The following ELOVL7 variants were observed in gnomAD, a reference collection of about 807,000 sequenced individuals.
ELOVL7 encodes very long chain fatty acid elongase 7.
A neutral mutation model predicts 35.7 loss-of-function variants in ELOVL7; 27 were observed. That is an observed-to-expected ratio of 0.76 (90% confidence interval 0.56 to 1.04). The LOEUF (loss-of-function observed/expected upper bound fraction) is 1.04. ELOVL7 is among the 50% of genes least tolerant of loss of function. The probability of loss-of-function intolerance (pLI) is 0.00; values close to 1 mark genes in which losing one functional copy is unlikely to be tolerated. For synonymous variants in ELOVL7, 113 were observed against 114.6 expected (o/e 0.99, Z 0.09); for missense variants, 327 against 340.8 (o/e 0.96, Z 0.32).
At chr5:60,770,055 A>G (rs1266349836) in intron 4 of ELOVL7, among the ~76,000 whole-genome samples, 1 of 84,984 alleles carries the variant, frequency 1.2e-5, no homozygotes, top group African/African-American at 1.7e-4. Flanking sequence ...TTTCTGGTGA[A>G]AAAAAAAAAA....
intron 6 of ELOVL7, among the ~76,000 whole-genome samples, chr5:60,764,596 G>C (rs1742124634): frequency 6.6e-6 from 1 of 151,932 alleles, no homozygotes; most frequent in Non-Finnish European, 1.5e-5. Context: ...AAAAATCAAA[G>C]ATATAAAGTA....
chr5:60,803,172 G>A (rs1202220373), intron 1 of ELOVL7, among the ~76,000 whole-genome samples: 2 of 152,094 alleles, frequency 1.3e-5, no homozygotes, highest in African/African-American at 4.8e-5. Context: ...ACAACACTGG[G>A]ACTGCAGTGA....
At chr5:60,779,406 C>A (rs1283416789) in intron 3 of ELOVL7, among the ~76,000 whole-genome samples, 1 of 152,200 alleles carries the variant, frequency 6.6e-6, no homozygotes, top group African/African-American at 2.4e-5. Context: ...TTCAATACAT[C>A]CTCTGAAATC....
At chr5:60,811,182 A>C (rs182704467) in intron 1 of ELOVL7, among the ~76,000 whole-genome samples, 1 of 152,324 alleles carries the variant, frequency 6.6e-6, no homozygotes, top group Non-Finnish European at 1.5e-5. Context: ...TTTTAAAAAA[A>C]ACTTTGCAAA....
chr5:60,775,452 A>AT (rs35731397), intron 3 of ELOVL7, among the ~76,000 whole-genome samples: 28,119 of 152,160 alleles, frequency 0.18, 4,608 homozygotes, highest in African/African-American at 0.44. Flanking sequence ...TACCAATGTT[A>AT]TTTTTTACAA....
At chr5:60,776,557 A>C (rs1037246938) in intron 3 of ELOVL7, among the ~76,000 whole-genome samples, 1 of 152,172 alleles carries the variant, frequency 6.6e-6, no homozygotes, top group African/African-American at 2.4e-5. Flanking sequence ...GAACAAAATC[A>C]TATCCTTTGC....
At chr5:60,817,768 A>T (rs1184439) in intron 1 of ELOVL7, among the ~76,000 whole-genome samples, 2 of 144,632 alleles carry the variant, frequency 1.4e-5, no homozygotes, top group East Asian at 2.0e-4. Flanking sequence ...ACCATATATA[A>T]ACACACACAC....
chr5:60,777,108 G>C (rs1351981122), intron 3 of ELOVL7, among the ~76,000 whole-genome samples: 1 of 151,842 alleles, frequency 6.6e-6, no homozygotes, highest in Non-Finnish European at 1.5e-5. Flanking sequence ...GGGTACTAGG[G>C]GGGTTGGGGG....
intron 3 of ELOVL7, among the ~76,000 whole-genome samples, chr5:60,784,559 C>G (rs1398999656): frequency 6.6e-6 from 1 of 152,164 alleles, no homozygotes; most frequent in Non-Finnish European, 1.5e-5. Flanking sequence ...CACTACTTCT[C>G]TAGCAATCAG....
At chr5:60,772,634 C>G (rs879518434) in intron 3 of ELOVL7, among the ~76,000 whole-genome samples, 7 of 152,136 alleles carry the variant, frequency 4.6e-5, no homozygotes, top group Non-Finnish European at 1.0e-4. Flanking sequence ...GGAATAGATA[C>G]CCCAACTCCA....
intron 1 of ELOVL7, among the ~76,000 whole-genome samples, chr5:60,802,109 TATATATATACAC>T (rs1561454106): frequency 1.3e-4 from 1 of 7,418 alleles, no homozygotes; most frequent in African/African-American, 7.1e-4. Context: ...TATATATATA[TATATATATACAC>T]ACACACACAC....
chr5:60,780,301 G>A (rs1434341378), intron 3 of ELOVL7, among the ~76,000 whole-genome samples: 1 of 151,830 alleles, frequency 6.6e-6, no homozygotes, highest in African/African-American at 2.4e-5. Context: ...GTATTTTTTA[G>A]TAGAGATGGG....
intron 8 of ELOVL7, among the ~76,000 whole-genome samples, chr5:60,755,401 G>A (rs1741479004): frequency 6.6e-6 from 1 of 152,180 alleles, no homozygotes; most frequent in Non-Finnish European, 1.5e-5. Flanking sequence ...GCTCACGCCT[G>A]TAATCCCAGC....
At chr5:60,783,693 A>G (rs1267217050) in intron 3 of ELOVL7, among the ~76,000 whole-genome samples, 1 of 152,184 alleles carries the variant, frequency 6.6e-6, no homozygotes, top group Non-Finnish European at 1.5e-5. Flanking sequence ...AGCAAGGCAC[A>G]CCTCTATTTG....
intron 1 of ELOVL7, among the ~76,000 whole-genome samples, chr5:60,834,534 A>G (rs1428208040): frequency 6.6e-6 from 1 of 152,176 alleles, no homozygotes; most frequent in East Asian, 1.9e-4. Context: ...CAGGCAGAGT[A>G]GCTTACACCT....
At chr5:60,831,099 T>C (rs1561473865) in intron 1 of ELOVL7, among the ~76,000 whole-genome samples, 1 of 152,312 alleles carries the variant, frequency 6.6e-6, no homozygotes, top group East Asian at 1.9e-4. Flanking sequence ...ATTTAACATT[T>C]AAAAAGTAAA....
At chr5:60,828,139 C>G (rs1263630914) in intron 1 of ELOVL7, among the ~76,000 whole-genome samples, 1 of 152,142 alleles carries the variant, frequency 6.6e-6, no homozygotes, top group African/African-American at 2.4e-5. Flanking sequence ...AGTCTGGAAC[C>G]AAGCTGGAAT....
intron 2 of ELOVL7, among the ~76,000 whole-genome samples, chr5:60,796,107 T>G (rs1561449199): frequency 6.6e-6 from 1 of 152,196 alleles, no homozygotes; most frequent in Non-Finnish European, 1.5e-5. Context: ...AGATAAGTAA[T>G]AAACTTCTTA....
chr5:60,825,079 C>T (rs1746093693), intron 1 of ELOVL7, among the ~76,000 whole-genome samples: 1 of 152,028 alleles, frequency 6.6e-6, no homozygotes, highest in South Asian at 2.1e-4. Context: ...CCTCAGCTTC[C>T]CAAGTACCTG....
Sources: gnomAD v4.1 joint callset for allele counts (sites outside exome capture counted in the v4.1 genomes callset) on GRCh38, gnomAD v4.1.1 for gene constraint, MANE v1.5 for transcripts, NCBI Gene and HGNC (gene_info 2026-07-23, HGNC 2026-07-21) for gene names.